Variants in FREM3 observed in about 807,000 individuals in gnomAD.
FREM3 encodes the protein FRAS1 related extracellular matrix 3.
FREM3 carries 105 observed loss-of-function variants against 129.1 expected under a neutral mutation model. That is an observed-to-expected ratio of 0.81 (90% CI 0.69 to 0.96). The LOEUF (loss-of-function observed/expected upper bound fraction) is 0.96, where lower values mean the gene tolerates loss of function less well. Among genes scored for constraint, FREM3 ranks in the 40% least tolerant of loss-of-function variants. The pLI is 0.00. For synonymous variants in FREM3, 1,014 were observed against 1,044.9 expected, an observed-to-expected ratio of 0.97 and a Z score of 0.57; for missense variants, 2,593 against 2,666.3, an observed-to-expected ratio of 0.97 and a Z score of 0.61.
rs756909471 is a variant in FREM3, at chr4:143,700,438, C to G, written c.238G>C (p.Asp80His). Reference protein sequence around the residue: ...RVPLGRSLWLDPLRDLVIGVQ... With the variant: ...RVPLGRSLWLHPLRDLVIGVQ... ...CCAATCACCAGATCCCGGAGCGGGT[C>G]GAGCCAAAGGGAACGACCCAGGGGC... Residue 80 changes from aspartate to histidine, a missense_variant, in exon 1 of 8, where the codon GAC (aspartate) becomes CAC (histidine). Asp to His is a moderately conservative substitution (Grantham distance 81, BLOSUM62 -1). Coordinates refer to ENST00000329798, the MANE Select transcript of FREM3 (RefSeq NM_001168235.2). 1.0e-3 allele frequency: 1,544 copies of G among 1,528,248 alleles called. 1 individual carries two copies. Among genetic ancestry groups the G allele is most frequent in the Non-Finnish European group, 1.2e-3 (1,406 of 1,142,202 alleles). 94.7% of individuals were successfully genotyped at this position (1,528,248 alleles called of 1,614,324 possible).
chr4:143,671,068 A>T (rs187767289), intron 2 of FREM3, among the ~76,000 whole-genome samples: 85 of 152,276 alleles, frequency 5.6e-4, no homozygotes, highest in African/African-American at 1.9e-3. Context: ...CAAATCATCC[A>T]CAATGGTAAT....
intron 2 of FREM3, among the ~76,000 whole-genome samples, chr4:143,648,022 G>A (rs150738265): frequency 0.011 from 1,603 of 152,310 alleles, 36 homozygotes; most frequent in Non-Finnish European, 0.012. Context: ...AAGCCACAGC[G>A]CAGAGCTGTT....
At chr4:143,620,967 C>T (rs973689447) in intron 5 of FREM3, 70 bp downstream of exon 5, 1 of 1,429,930 alleles carries the variant, frequency 7.0e-7, no homozygotes, top group Non-Finnish European at 9.5e-7. Flanking sequence ...CTCTGTGGTA[C>T]TCCCAGCATT....
rs1484432294 is a variant in FREM3 at position 143,577,639 on chromosome 4, T to C, written c.6392A>G (p.Lys2131Arg). 2 of 1,537,400 alleles carry C rather than the reference T, an allele frequency of 1.3e-6. No individual in the cohort carries two copies. Among genetic ancestry groups the C allele is most frequent in the Middle Eastern group, 1.7e-4 (1 of 5,992 alleles). Reference sequence around the variant, plus strand: ...ATCAAAGGAACTACAAGCACTCTGCTTACAGTCCGTGATGGTGTCCTCGAT... The same window carrying C: ...ATCAAAGGAACTACAAGCACTCTGCCTACAGTCCGTGATGGTGTCCTCGAT... ...IFIEDTITDC[K>R]QSACSSFD Residue 2131 changes from lysine to arginine, a missense_variant, in exon 8 of 8, where the codon AAG (lysine) becomes AGG (arginine). Around this residue, in one of 2 missense-constraint regions of FREM3, gnomAD observed 317 missense variants for 399.0 expected, o/e 0.79. Coordinates refer to ENST00000329798, the MANE Select transcript of FREM3 (RefSeq NM_001168235.2).
At chr4:143,675,788 T>G (rs1740107669) in intron 2 of FREM3, among the ~76,000 whole-genome samples, 1 of 152,302 alleles carries the variant, frequency 6.6e-6, no homozygotes, top group South Asian at 2.1e-4. Flanking sequence ...CTAGAAAATC[T>G]AGAAGAAATG....
In FREM3 at chr4:143,693,116, T is replaced by A. The variant is rs772577699; in HGVS notation, c.5272A>T (p.Asn1758Tyr). The part of the protein sequence containing the change: ...KDIFYFSVED[N>Y]GGNKLTNQPF... ...TGAAGGGTTTATTATGACTTACCAT[T>A]GTCTTCAACAGAGAAATAGAAGATG... Residue 1758 changes from asparagine to tyrosine, a missense_variant, in exon 2 of 8, where the codon AAT becomes TAT. Asn to Tyr is a moderately radical substitution (Grantham distance 143, BLOSUM62 -2). This residue lies in a region of FREM3 where 2,276 missense variants were observed against 2,267.2 expected (regional missense o/e 1.00). Transcript: ENST00000329798. 281 of 1,468,274 alleles carry A rather than the reference T, an allele frequency of 1.9e-4. No homozygotes were observed. Among genetic ancestry groups the A allele is most frequent in the Non-Finnish European group, 2.5e-4 (279 of 1,096,832 alleles). 91.0% of individuals were successfully genotyped at this position (1,468,274 alleles called of 1,614,324 possible).
rs199870727 is a variant in FREM3 at position 143,662,128 on chromosome 4, C to A, written c.5275+30985G>T. Among the ~76,000 whole-genome samples the A allele has an allele frequency of 6.8e-3, 1,030 of 152,124 alleles. 16 individuals carry two copies. Among genetic ancestry groups the A allele is most frequent in the African/African-American group, 0.024 (987 of 41,482 alleles). ...GATTTTAGTTATTTCTTGCCTTCTGCTAGCTTTTGAATGTGTTTGCTCTTG... is the reference window on the plus strand; with the variant it reads ...GATTTTAGTTATTTCTTGCCTTCTGATAGCTTTTGAATGTGTTTGCTCTTG... On this transcript the variant is annotated intron_variant, in intron 2 of 7. Transcript: ENST00000329798.
Position 143,696,460 on chromosome 4 carries a change from C to T in FREM3, c.4216G>A (p.Gly1406Arg). 2.5e-5 allele frequency: 39 copies of T among 1,537,668 alleles called. No homozygotes were observed. Among genetic ancestry groups the T allele is most frequent in the Non-Finnish European group, 3.3e-5 (38 of 1,147,012 alleles). The change falls in exon 1 of 8, where the codon GGG becomes AGG. Residue 1406 changes from glycine (G) to arginine (R), a missense_variant. Transcript: ENST00000329798. ...TAGTGGTCTGTCAAAGTGTTAACCCCATCAGTAACATCAAACTTGATAATG... is the reference window on the plus strand; with the variant it reads ...TAGTGGTCTGTCAAAGTGTTAACCCTATCAGTAACATCAAACTTGATAATG... ...VDIIKFDVTD[G>R]VNTLTDHYFY...
chr4:143,619,562 T>A lies in FREM3; in HGVS notation c.5779+1475A>T, dbSNP rs576323999. Among the ~76,000 whole-genome samples the A allele has an allele frequency of 2.6e-3, 396 of 152,286 alleles. 2 individuals carry two copies. Among genetic ancestry groups the A allele is most frequent in the African/African-American group, 8.8e-3 (366 of 41,558 alleles). ...CCCATGTATAGGATGAAAGTTCAAT[T>A]CGGTTATTTAAACATCTCTGGAAGT... On this transcript the variant is annotated intron_variant, in intron 5 of 7. Transcript: ENST00000329798.
chr4:143,579,225 G>T (rs1311482681), intron 7 of FREM3, among the ~76,000 whole-genome samples: 1 of 152,172 alleles, frequency 6.6e-6, no homozygotes, highest in Non-Finnish European at 1.5e-5. Context: ...AGGCCGATGT[G>T]AGCAGATCAC....
rs1343925888 is a variant in FREM3 at position 143,696,404 on chromosome 4, G to A, written c.4272C>T (p.Ser1424=). The A allele has an allele frequency of 4.6e-6, 7 of 1,537,268 alleles. No homozygotes were observed. Among genetic ancestry groups the A allele is most frequent in the South Asian group, 1.2e-5 (1 of 84,042 alleles). ...YFYVTIGNLD[S]VFPEVISKRI... ...TTTTGCTGATTACCTCAGGGAAGAC[G>A]CTGTCTAAGTTGCCAATGGTGACAT... Residue 1424 remains serine (S), a synonymous_variant, in exon 1 of 8, where the codon AGC becomes AGT. Transcript: ENST00000329798.
rs987855763 is a variant in FREM3, at chr4:143,577,419, A to G, written c.*192T>C. On this transcript the variant is annotated 3_prime_UTR_variant, in exon 8 of 8. Coordinates refer to ENST00000329798, the MANE Select transcript of FREM3 (RefSeq NM_001168235.2). ...CACAGTCTAATTATTTGTGGGCTCA[A>G]TGTTTTCTAGGTATATATATTTCTA... 9 of 560,504 alleles carry G rather than the reference A, an allele frequency of 1.6e-5. No homozygotes were observed. Among genetic ancestry groups the G allele is most frequent in the Middle Eastern group, 4.7e-4 (1 of 2,136 alleles). 34.7% of individuals were successfully genotyped at this position (560,504 alleles called of 1,614,324 possible).
chr4:143,626,897 T>G (rs564696050), intron 3 of FREM3, among the ~76,000 whole-genome samples: 1 of 152,168 alleles, frequency 6.6e-6, no homozygotes, highest in Non-Finnish European at 1.5e-5. Flanking sequence ...TGCTTATTTG[T>G]AAAATGAAGA....
In FREM3 at chr4:143,697,294, T is replaced by C; in HGVS notation, c.3382A>G (p.Lys1128Glu). 1 of 1,537,324 alleles carries C rather than the reference T, an allele frequency of 6.5e-7. No individual in the cohort carries two copies. The highest frequency in any genetic ancestry group is 8.7e-7 in the Non-Finnish European group (1 of 1,146,912). ...LEKIASAPGS[K>E]MSQSGSPISA... ...ATAGGGCTACCAGACTGGGACATTT[T>C]TGAACCAGGAGCTGATGCAATCTTT... The change falls in exon 1 of 8, where the codon AAA becomes GAA. Residue 1128 changes from lysine (K) to glutamate (E), a missense_variant. By Grantham distance (56) the Lys-to-Glu change is moderately conservative. Around this residue, in one of 2 missense-constraint regions of FREM3, gnomAD observed 2,276 missense variants for 2,267.2 expected, o/e 1.00. Transcript: ENST00000329798.
chr4:143,650,488 A>C (rs1739491525), intron 2 of FREM3, among the ~76,000 whole-genome samples: 1 of 152,122 alleles, frequency 6.6e-6, no homozygotes, highest in African/African-American at 2.4e-5. Context: ...TGGAATTGCT[A>C]CTTACTTACT....
intron 6 of FREM3, among the ~76,000 whole-genome samples, chr4:143,589,741 T>A (rs1738320621): frequency 6.6e-6 from 1 of 152,200 alleles, no homozygotes; most frequent in South Asian, 2.1e-4. Context: ...TTTGGTTCCA[T>A]ATGAACTTTA....
At chr4:143,650,468 A>C (rs1177096773) in intron 2 of FREM3, among the ~76,000 whole-genome samples, 1 of 152,194 alleles carries the variant, frequency 6.6e-6, no homozygotes, top group East Asian at 1.9e-4. Flanking sequence ...TCTTCTGTGA[A>C]TGGTGAACAT....
At chr4:143,665,270 C>G (rs2149854059) in intron 2 of FREM3, among the ~76,000 whole-genome samples, 1 of 152,168 alleles carries the variant, frequency 6.6e-6, no homozygotes, top group East Asian at 1.9e-4. Context: ...GGGACGCTTT[C>G]CTTGAGTCAT....
chr4:143,664,828 T>A (rs1298634841), intron 2 of FREM3, among the ~76,000 whole-genome samples: 2 of 152,106 alleles, frequency 1.3e-5, no homozygotes, highest in Admixed American at 1.3e-4. Context: ...GCCGCCTTGC[T>A]GTTTGATCTC....
Sources: gnomAD v4.1 joint callset for allele counts (sites outside exome capture counted in the v4.1 genomes callset) on GRCh38, gnomAD v4.1.1 for gene constraint, gnomAD v4.1.1 regional missense constraint, MANE v1.5 for transcripts, NCBI Gene and HGNC (gene_info 2026-07-23, HGNC 2026-07-21) for gene names.